ST13: variants seen among roughly 807,000 people sequenced by gnomAD.
ST13 encodes ST13 Hsp70 interacting protein, also known as hsc70-interacting protein.
A neutral mutation model predicts 56.7 loss-of-function variants in ST13; 23 were observed. That is an observed-to-expected ratio of 0.41 (90% CI 0.29 to 0.57). ST13 has a LOEUF of 0.57. ST13 is among the 20% of genes least tolerant of loss of function. The pLI, the probability that ST13 is intolerant of heterozygous loss-of-function variation, is 0.36. For synonymous variants in ST13, 132 were observed against 142.4 expected (o/e 0.93, Z 0.52); for missense variants, 369 against 459.9 (o/e 0.80, Z 1.81).
intron 9 of ST13, 98 bp from the exon 10 acceptor site, chr22:40,829,772 C>A (rs2057745551): frequency 1.8e-6 from 1 of 553,922 alleles, no homozygotes; most frequent in South Asian, 5.0e-5. Context: ...TGTAAAATAA[C>A]CTAGTAGATG....
At chr22:40,851,099 T>C (rs1267045647) in intron 1 of ST13, among the ~76,000 whole-genome samples, 1 of 152,160 alleles carries the variant, frequency 6.6e-6, no homozygotes, top group South Asian at 2.1e-4. Context: ...AACCCCTTTC[T>C]TTGCCTCAAT....
chr22:40,826,283 A>G lies in ST13; in HGVS notation c.*255T>C, dbSNP rs2057727838. On this transcript the variant is annotated 3_prime_UTR_variant, in exon 12 of 12. Coordinates refer to ENST00000216218, the MANE Select transcript of ST13 (RefSeq NM_003932.5). The stretch of plus-strand genomic sequence containing the variant: ...AACAGGCCCTTTAAATTTGTTTTAA[A>G]TATTTTGAAGATTTAAAAAGTGTTT... The G allele has an allele frequency of 3.6e-6, 1 of 281,098 alleles. No individual in the cohort carries two copies. The highest frequency in any genetic ancestry group is 6.6e-6 in the Non-Finnish European group (1 of 151,864). 17.4% of individuals were successfully genotyped at this position (281,098 alleles called of 1,614,324 possible). A position where few individuals can be genotyped will look rare whatever the true frequency, so the allele number is the denominator to read the frequency against.
intron 2 of ST13, among the ~76,000 whole-genome samples, chr22:40,849,912 C>A (rs79746044): frequency 9.9e-3 from 1,369 of 138,334 alleles, no homozygotes; most frequent in Non-Finnish European, 0.011. Context: ...AGAAAATTTG[C>A]AAAAAAAAAA....
chr22:40,829,047 T>C (rs2145731462), intron 10 of ST13, among the ~76,000 whole-genome samples: 1 of 152,334 alleles, frequency 6.6e-6, no homozygotes, highest in South Asian at 2.1e-4. Flanking sequence ...TGCTTTTTCT[T>C]CAAACAGCAG....
At chr22:40,841,400 A>C (rs1254921566) in intron 4 of ST13, among the ~76,000 whole-genome samples, 1 of 151,850 alleles carries the variant, frequency 6.6e-6, no homozygotes, top group Non-Finnish European at 1.5e-5. Context: ...AAGAACAAAG[A>C]GTTATAGCAA....
Position 40,825,745 on chromosome 22 carries a change from A to G in ST13, c.*793T>C, listed in dbSNP as rs546488186. On this transcript the variant is annotated 3_prime_UTR_variant, in exon 12 of 12. Coordinates refer to ENST00000216218, the MANE Select transcript of ST13 (RefSeq NM_003932.5). ...TGGGCAATTTTTGACTAGGAAAGAG[A>G]ATTTTAAGCATAGAAATATAAAAAG... The G allele has an allele frequency of 1.3e-5, 2 of 152,264 alleles. No individual in the cohort carries two copies. The highest frequency in any genetic ancestry group is 2.9e-5 in the Non-Finnish European group (2 of 68,022). 9.4% of individuals were successfully genotyped at this position (152,264 alleles called of 1,614,324 possible). A position where few individuals can be genotyped will look rare whatever the true frequency, so the allele number is the denominator to read the frequency against.
At chr22:40,831,026 G>T in intron 8 of ST13, 70 bp from the exon 9 acceptor site, 1 of 969,890 alleles carries the variant, frequency 1.0e-6, no homozygotes, top group Non-Finnish European at 1.6e-6. Flanking sequence ...AATATTCTTT[G>T]TAGAGAGATG....
chr22:40,856,312 C>A, intron 1 of ST13, 119 bp downstream of exon 1: 1 of 867,648 alleles, frequency 1.2e-6, no homozygotes, highest in Non-Finnish European at 1.9e-6. Flanking sequence ...GCCTCCCTTT[C>A]CCGGGCAAAG....
In ST13 at chr22:40,824,599, C is replaced by T. The variant is rs2057719232; in HGVS notation, c.*1939G>A. ...AATCTAAAAGCACAGGACACATTTT[C>T]AGAAGAGGAATTTTACTTTTACCCA... On this transcript the variant is annotated 3_prime_UTR_variant, in exon 12 of 12. Coordinates refer to ENST00000216218, the MANE Select transcript of ST13 (RefSeq NM_003932.5). 1 of 152,132 alleles carries T rather than the reference C, an allele frequency of 6.6e-6. No individual in the cohort carries two copies. Among genetic ancestry groups the T allele is most frequent in the Non-Finnish European group, 1.5e-5 (1 of 68,026 alleles). 9.4% of individuals were successfully genotyped at this position (152,132 alleles called of 1,614,324 possible).
chr22:40,840,525 A>G lies in ST13; in HGVS notation c.382+101T>C, dbSNP rs371687328. ...ATAATAGGACACTATCTTCTCCAGT[A>G]TAGGACAGGTACATGTAACTTCTCT... On this transcript the variant is annotated intron_variant, in intron 5 of 11. Transcript: ENST00000216218. 22 of 1,000,898 alleles carry G rather than the reference A, an allele frequency of 2.2e-5. No homozygotes were observed. The East Asian group carries it at 4.4e-4, about 20-fold the overall frequency. 62.0% of individuals were successfully genotyped at this position (1,000,898 alleles called of 1,614,324 possible).
intron 4 of ST13, 34 bp downstream of exon 4, chr22:40,844,805 T>C (rs372599022): frequency 2.9e-5 from 46 of 1,567,556 alleles, no homozygotes; most frequent in African/African-American, 4.1e-5. Context: ...TCACATTTCT[T>C]AGAACAAGCA....
At chr22:40,837,899 C>T (rs8140648) in intron 5 of ST13, among the ~76,000 whole-genome samples, 99 of 152,266 alleles carry the variant, frequency 6.5e-4, no homozygotes, top group Middle Eastern at 6.8e-3. Flanking sequence ...CCTTTCGCTT[C>T]GGCCCCTCAA....
At chr22:40,828,804 A>G (rs1325833468) in intron 10 of ST13, among the ~76,000 whole-genome samples, 3 of 152,114 alleles carry the variant, frequency 2.0e-5, no homozygotes, top group Non-Finnish European at 4.4e-5. Flanking sequence ...CCATAAAACA[A>G]CTTCTAGTTT....
At chr22:40,836,698 C>G (rs1260467862) in intron 5 of ST13, among the ~76,000 whole-genome samples, 1 of 152,136 alleles carries the variant, frequency 6.6e-6, no homozygotes, top group Non-Finnish European at 1.5e-5. Context: ...AAGACCATAA[C>G]CTATACTTTA....
chr22:40,839,812 A>C (rs967182878), intron 5 of ST13, among the ~76,000 whole-genome samples: 2 of 151,570 alleles, frequency 1.3e-5, no homozygotes, highest in Non-Finnish European at 2.9e-5. Context: ...AAAAGAAAAA[A>C]ATAATAACCT....
intron 10 of ST13, 74 bp from the exon 11 acceptor site, chr22:40,827,303 C>A: frequency 6.5e-7 from 1 of 1,533,296 alleles, no homozygotes; most frequent in South Asian, 1.1e-5. Flanking sequence ...ACAAAAAGTA[C>A]AGGTTCAAAG....
In ST13 at chr22:40,827,104, C is replaced by T; in HGVS notation, c.973G>A (p.Ala325Thr). The T allele has an allele frequency of 2.5e-6, 4 of 1,611,832 alleles. No individual in the cohort carries two copies. Among genetic ancestry groups the T allele is most frequent in the Non-Finnish European group, 2.5e-6 (3 of 1,179,784 alleles). ...EILSDPEVLA[A>T]MQDPEVMVAF... ...TTTCTTCCAAGTCTTACCTGCATGG[C>T]TGCAAGAACCTCTGGATCACTAAGA... Residue 325 changes from alanine (A) to threonine (T), a missense_variant, in exon 11 of 12, where the codon GCC (alanine) becomes ACC (threonine). Ala to Thr is a moderately conservative substitution (Grantham distance 58, BLOSUM62 0). Coordinates refer to ENST00000216218, the MANE Select transcript of ST13 (RefSeq NM_003932.5).
chr22:40,830,354 C>CAGTGTGAT (rs968073970), intron 9 of ST13, among the ~76,000 whole-genome samples: 18 of 152,126 alleles, frequency 1.2e-4, no homozygotes, highest in African/African-American at 4.3e-4. Flanking sequence ...ATTGTAGCAT[C>CAGTGTGAT]ACACTATGTT....
At chr22:40,856,325 G>A in intron 1 of ST13, 106 bp downstream of exon 1, 1 of 967,102 alleles carries the variant, frequency 1.0e-6, no homozygotes, top group South Asian at 1.4e-5. Context: ...GGGCAAAGAA[G>A]GGGCAGCGAC....
Sources: allele counts gnomAD v4.1 joint callset (sites outside exome capture counted in the v4.1 genomes callset), GRCh38; gene constraint gnomAD v4.1.1; transcripts MANE v1.5; gene names NCBI Gene and HGNC (gene_info 2026-07-23, HGNC 2026-07-21).